RPP30: variants seen among roughly 807,000 people sequenced by gnomAD.
RPP30 encodes ribonuclease P/MRP subunit p30, also known as ribonuclease P protein subunit p30.
A neutral mutation model predicts 38.6 loss-of-function variants in RPP30; 36 were observed. The observed-to-expected ratio is 0.93, with a 90% confidence interval of 0.71 to 1.23. The LOEUF (loss-of-function observed/expected upper bound fraction) is 1.23. RPP30 is among the 50% of genes most tolerant of loss of function. The pLI, the probability that RPP30 is intolerant of heterozygous loss-of-function variation, is 0.00. For synonymous variants in RPP30, 126 were observed against 112.7 expected (o/e 1.12, Z -0.75); for missense variants, 321 against 321.7 (o/e 1.00, Z 0.02).
chr10:90,880,589 A>G (rs1411705769), intron 5 of RPP30, among the ~76,000 whole-genome samples: 1 of 152,138 alleles, frequency 6.6e-6, no homozygotes, highest in Non-Finnish European at 1.5e-5. Flanking sequence ...TTATCCAGGC[A>G]TGGTGGCACG....
At chr10:90,903,485 G>GA (rs1370325341), downstream of RPP30, among the ~76,000 whole-genome samples, 1 of 152,088 alleles carries the variant, frequency 6.6e-6, no homozygotes, top group East Asian at 1.9e-4. Flanking sequence ...AAATAAATGG[G>GA]AAAAAAGTAG....
intron 5 of RPP30, among the ~76,000 whole-genome samples, chr10:90,880,739 G>T (rs1238728638): frequency 1.3e-5 from 2 of 152,102 alleles, no homozygotes; most frequent in Non-Finnish European, 2.9e-5. Flanking sequence ...TTTTTTAAAT[G>T]CAATTATAGA....
intron 4 of RPP30, 104 bp from the exon 5 acceptor site, chr10:90,878,959 A>G (rs1846888150): frequency 2.1e-6 from 2 of 952,922 alleles, no homozygotes; most frequent in African/African-American, 1.6e-5. Context: ...TCAGTATATT[A>G]GAAGTGTTCC....
chr10:90,899,283 G>A (rs1327802887), intron 10 of RPP30, among the ~76,000 whole-genome samples: 3 of 152,182 alleles, frequency 2.0e-5, no homozygotes, highest in African/African-American at 7.2e-5. Flanking sequence ...GACCTTGAGA[G>A]CAGTTTTATC....
intron 6 of RPP30, among the ~76,000 whole-genome samples, chr10:90,886,510 A>G (rs1847001443): frequency 6.6e-6 from 1 of 152,106 alleles, no homozygotes; most frequent in Non-Finnish European, 1.5e-5. Context: ...TTCATCTTCT[A>G]TCTGTCCATT....
chr10:90,872,168 C>T (rs1419009547), intron 1 of RPP30, 100 bp downstream of exon 1: 2 of 1,009,960 alleles, frequency 2.0e-6, no homozygotes, highest in East Asian at 2.4e-5. Flanking sequence ...GGTCAGGTCT[C>T]CCAGAGTCTC....
intron 10 of RPP30, 116 bp downstream of exon 10, chr10:90,896,508 C>T: frequency 2.7e-6 from 2 of 751,260 alleles, no homozygotes; most frequent in Non-Finnish European, 4.6e-6. Flanking sequence ...CATCTTTTCT[C>T]AACCTGTTCT....
downstream of RPP30, among the ~76,000 whole-genome samples, chr10:90,902,580 A>G (rs1054310277): frequency 6.6e-6 from 1 of 152,196 alleles, no homozygotes; most frequent in African/African-American, 2.4e-5. Flanking sequence ...CAAAAGAGAA[A>G]AATCAGAATA....
chr10:90,889,480 T>C (rs1376339746), intron 6 of RPP30, among the ~76,000 whole-genome samples: 1 of 151,834 alleles, frequency 6.6e-6, no homozygotes, highest in Non-Finnish European at 1.5e-5. Flanking sequence ...TGGCTAATTT[T>C]TTTTTTATTT....
rs1381402964 is a variant in RPP30, at chr10:90,876,032, A to C, written c.204A>C (p.Ser68=). Residue 68 remains serine, a synonymous_variant, in exon 4 of 11, where the codon TCA becomes TCC. Coordinates refer to ENST00000371703, the MANE Select transcript of RPP30 (RefSeq NM_006413.5). ...ATGTCTTTTTTAAATAGGGAAAATC[A>C]AGACCAATTAAAATTTTAACTAGAT... ...FTTLPIVQGK[S]RPIKILTRLT... is the part of the protein sequence containing the mutation. The C allele has an allele frequency of 6.5e-7, 1 of 1,533,048 alleles. No homozygotes were observed. The highest frequency in any genetic ancestry group is 9.0e-7 in the Non-Finnish European group (1 of 1,106,942). 95.0% of individuals were successfully genotyped at this position (1,533,048 alleles called of 1,614,324 possible). A position where few individuals can be genotyped will look rare whatever the true frequency, so the allele number is the denominator to read the frequency against.
chr10:90,887,126 C>T (rs1217127092), intron 6 of RPP30, among the ~76,000 whole-genome samples: 1 of 151,674 alleles, frequency 6.6e-6, no homozygotes, highest in African/African-American at 2.4e-5. Flanking sequence ...TGCCACCACA[C>T]CTGGCTAATT....
downstream of RPP30, among the ~76,000 whole-genome samples, chr10:90,907,284 T>C (rs2120250597): frequency 6.6e-6 from 1 of 152,266 alleles, no homozygotes; most frequent in East Asian, 1.9e-4. Flanking sequence ...TGAAGGACCC[T>C]GAGCCTTAAA....
intron 6 of RPP30, among the ~76,000 whole-genome samples, chr10:90,894,439 A>G (rs903853095): frequency 3.9e-5 from 6 of 152,180 alleles, no homozygotes; most frequent in African/African-American, 1.4e-4. Flanking sequence ...TGTAGGGAGT[A>G]CATTTCTGTT....
Position 90,888,635 on chromosome 10 carries a change from T to TAA in RPP30, c.432+2735_432+2736insAA, listed in dbSNP as rs577761083. ...GGATGTCCACATTCATCAGGAAGTA[T>TAA]ATGCCGTGAGGGAAGTGGGGCAGTG... On this transcript the variant is annotated intron_variant, in intron 6 of 10. Coordinates refer to ENST00000371703, the MANE Select transcript of RPP30 (RefSeq NM_006413.5). Among the ~76,000 whole-genome samples the TAA allele has an allele frequency of 1.4e-4, 21 of 152,210 alleles. No individual in the cohort carries two copies. The South Asian group carries it at 4.2e-3, about 30-fold the overall frequency.
intron 6 of RPP30, among the ~76,000 whole-genome samples, chr10:90,889,609 A>ATT (rs1381906778): frequency 1.3e-5 from 2 of 152,032 alleles, no homozygotes; most frequent in Non-Finnish European, 2.9e-5. Flanking sequence ...TTTTGTCACG[A>ATT]TGTGGGCCCT....
chr10:90,891,508 G>A (rs1040958895), intron 6 of RPP30, among the ~76,000 whole-genome samples: 4 of 152,168 alleles, frequency 2.6e-5, no homozygotes, highest in Non-Finnish European at 5.9e-5. Context: ...TGTGGATGAG[G>A]ACGCAATTCA....
intron 6 of RPP30, among the ~76,000 whole-genome samples, chr10:90,894,124 T>G (rs1465377316): frequency 6.6e-6 from 1 of 152,200 alleles, no homozygotes; most frequent in Non-Finnish European, 1.5e-5. Context: ...AATCAGGGGC[T>G]TTATTACTAA....
rs117800953 is a variant in RPP30, at chr10:90,894,940, T to G, written c.549+49T>G. 1,109 of 1,192,162 alleles carry G rather than the reference T, an allele frequency of 9.3e-4. 13 individuals are homozygous for G. The East Asian group carries it at 0.023, about 25-fold the overall frequency. 73.8% of individuals were successfully genotyped at this position (1,192,162 alleles called of 1,614,324 possible). On this transcript the variant is annotated intron_variant, in intron 7 of 10. Coordinates refer to ENST00000371703, the MANE Select transcript of RPP30 (RefSeq NM_006413.5). Reference sequence around the variant, plus strand: ...GTTTTTCGCATCTGGCAGTTTATTATTAGTAGTACACTGGAATTGTCAAAC... The same window carrying G: ...GTTTTTCGCATCTGGCAGTTTATTAGTAGTAGTACACTGGAATTGTCAAAC...
rs370064577 is a variant in RPP30 at position 90,895,872 on chromosome 10, T to G, written c.580-8T>G. 4 of 1,589,384 alleles carry G rather than the reference T, an allele frequency of 2.5e-6. No individual in the cohort carries two copies. In the African/African-American group the frequency reaches 4.0e-5, roughly 16 times the overall value. On this transcript the variant is annotated splice_region_variant and splice_polypyrimidine_tract_variant and intron_variant, in intron 8 of 10. Transcript: ENST00000371703. ...TCTCATATCTACTCTTTGTTCATTT[T>G]ATTTCAGCCTTTAGAAATAAGAGGG...
Sources: allele counts gnomAD v4.1 joint callset (sites outside exome capture counted in the v4.1 genomes callset), GRCh38; gene constraint gnomAD v4.1.1; transcripts MANE v1.5; gene names NCBI Gene and HGNC (gene_info 2026-07-23, HGNC 2026-07-21).